ARHGAP5: variants seen among roughly 807,000 people sequenced by gnomAD.
ARHGAP5 encodes Rho GTPase activating protein 5, also known as rho GTPase-activating protein 5.
ARHGAP5 carries 23 observed loss-of-function variants against 116.6 expected under a neutral mutation model. The ratio of observed to expected loss-of-function variants is 0.20; its 90% CI spans 0.14 to 0.28. ARHGAP5 has a LOEUF of 0.28. Ranked by LOEUF, ARHGAP5 falls within the 10% of genes least tolerant of loss-of-function variation. The pLI is 1.00. For synonymous variants in ARHGAP5, 574 were observed against 602.0 expected, an observed-to-expected ratio of 0.95 and a Z score of 0.68; for missense variants, 1,405 against 1,774.8, an observed-to-expected ratio of 0.79 and a Z score of 3.74.
chr14:32,095,423 T>G (rs527481478), intron 2 of ARHGAP5, among the ~76,000 whole-genome samples: 4 of 150,298 alleles, frequency 2.7e-5, no homozygotes, highest in Admixed American at 6.6e-5. Flanking sequence ...TTTGTTTTTT[T>G]TTTTTTGAGA....
intron 4 of ARHGAP5, among the ~76,000 whole-genome samples, chr14:32,149,090 T>C (rs1304147167): frequency 6.6e-6 from 1 of 152,168 alleles, no homozygotes; most frequent in Non-Finnish European, 1.5e-5. Context: ...ACTTAGCAGT[T>C]ATCCCAGATA....
chr14:32,112,494 G>T (rs949934208), intron 2 of ARHGAP5, among the ~76,000 whole-genome samples: 1 of 152,174 alleles, frequency 6.6e-6, no homozygotes, highest in Non-Finnish European at 1.5e-5. Flanking sequence ...TTGCAGATAA[G>T]AAATTCACTT....
chr14:32,091,640 A>C lies in ARHGAP5; in HGVS notation c.971A>C (p.Glu324Ala). 1 of 1,611,706 alleles carries C rather than the reference A, an allele frequency of 6.2e-7. No individual in the cohort carries two copies. The highest frequency in any genetic ancestry group is 8.5e-7 in the Non-Finnish European group (1 of 1,178,812). Reference sequence around the variant, plus strand: ...AGAAATACATTCTCAAAACATATAGAACAACTTAAACAGGAACATATAAGA... The same window carrying C: ...AGAAATACATTCTCAAAACATATAGCACAACTTAAACAGGAACATATAAGA... ...KARNTFSKHI[E>A]QLKQEHIRKR... The change falls in exon 2 of 7, where the codon GAA becomes GCA. Residue 324 changes from glutamate (E) to alanine (A), a missense_variant. Around this residue, in one of 6 missense-constraint regions of ARHGAP5, gnomAD observed 944 missense variants for 1,095.3 expected, o/e 0.86. Coordinates refer to ENST00000345122, the MANE Select transcript of ARHGAP5 (RefSeq NM_001030055.2).
At chr14:32,150,219 A>G (rs1301930912) in intron 5 of ARHGAP5, among the ~76,000 whole-genome samples, 186 bp downstream of exon 5, 1 of 152,204 alleles carries the variant, frequency 6.6e-6, no homozygotes, top group East Asian at 1.9e-4. Context: ...GCCTCCAGGA[A>G]TATTCTGTTT....
intron 3 of ARHGAP5, among the ~76,000 whole-genome samples, chr14:32,132,094 A>G (rs138952479): frequency 6.6e-6 from 1 of 152,322 alleles, no homozygotes; most frequent in East Asian, 1.9e-4. Context: ...CTTTAGGTAT[A>G]TACCCAGTAA....
intron 3 of ARHGAP5, among the ~76,000 whole-genome samples, chr14:32,120,783 T>C (rs952529425): frequency 6.6e-6 from 1 of 152,068 alleles, no homozygotes; most frequent in African/African-American, 2.4e-5. Context: ...ATGTTTATTA[T>C]AGTGTGAAGG....
At chr14:32,082,004 C>CATTA (rs1169620827) in intron 1 of ARHGAP5, among the ~76,000 whole-genome samples, 1 of 152,114 alleles carries the variant, frequency 6.6e-6, no homozygotes, top group African/African-American at 2.4e-5. Context: ...GATCATCAGG[C>CATTA]ATTAATTAGT....
intron 1 of ARHGAP5, among the ~76,000 whole-genome samples, chr14:32,080,574 C>T (rs2041762106): frequency 6.6e-6 from 1 of 151,748 alleles, no homozygotes; most frequent in African/African-American, 2.4e-5. Flanking sequence ...ATGTGCCTAG[C>T]CCTGGAAATA....
At chr14:32,128,650 C>T (rs140295180) in intron 3 of ARHGAP5, among the ~76,000 whole-genome samples, 265 of 152,364 alleles carry the variant, frequency 1.7e-3, no homozygotes, top group African/African-American at 2.2e-3. Flanking sequence ...CCCCAGGCCC[C>T]GGCTGCTCCA....
chr14:32,105,477 G>GT (rs983630412), intron 2 of ARHGAP5, among the ~76,000 whole-genome samples: 42 of 145,942 alleles, frequency 2.9e-4, no homozygotes, highest in East Asian at 6.0e-4. Flanking sequence ...ATATGCTATT[G>GT]TTTTTTTTTT....
At chr14:32,137,294 C>G (rs538720873) in intron 3 of ARHGAP5, among the ~76,000 whole-genome samples, 1 of 149,596 alleles carries the variant, frequency 6.7e-6, no homozygotes, top group Non-Finnish European at 1.5e-5. Context: ...TGTGGATATT[C>G]GCCTGTCTCT....
intron 2 of ARHGAP5, among the ~76,000 whole-genome samples, chr14:32,097,494 A>G (rs901701226): frequency 6.6e-6 from 1 of 152,224 alleles, no homozygotes; most frequent in African/African-American, 2.4e-5. Flanking sequence ...GTGTACACAG[A>G]CAAGCAAAAT....
chr14:32,094,989 G>C (rs1878447951), intron 2 of ARHGAP5, among the ~76,000 whole-genome samples: 1 of 152,098 alleles, frequency 6.6e-6, no homozygotes, highest in Admixed American at 6.5e-5. Context: ...TATGAATGCT[G>C]TTAAAGTTGT....
At position 32,116,298 on chromosome 14, in the gene ARHGAP5, TAAATA is replaced by T. The variant is rs1457478350; in HGVS notation, c.3718-839_3718-835del. Among the ~76,000 whole-genome samples, 7 of 114,462 alleles carry T rather than the reference TAAATA, an allele frequency of 6.1e-5. No homozygotes were observed. The Admixed American group carries it at 6.7e-4, about 11-fold the overall frequency. The allele number at this position is 114,462 out of a possible 152,430, so 75.1% of individuals were successfully genotyped here. Reference sequence around the variant, plus strand: ...AGCAAGACTCCCTCTCAAAAAAAAATAAATAAATAAGGCTGGGCGCGGTGGCTCAC... The same window carrying T: ...AGCAAGACTCCCTCTCAAAAAAAAATAATAAGGCTGGGCGCGGTGGCTCAC... On this transcript the variant is annotated intron_variant, in intron 2 of 6. Transcript: ENST00000345122.
At chr14:32,127,192 T>G (rs1435217684) in intron 3 of ARHGAP5, among the ~76,000 whole-genome samples, 1 of 151,640 alleles carries the variant, frequency 6.6e-6, no homozygotes, top group Non-Finnish European at 1.5e-5. Context: ...TTTTTAGTAT[T>G]TATTGATCAT....
chr14:32,094,109 A>G lies in ARHGAP5; in HGVS notation c.3440A>G (p.Glu1147Gly). 1 of 1,614,100 alleles carries G rather than the reference A, an allele frequency of 6.2e-7. No homozygotes were observed. The highest frequency in any genetic ancestry group is 8.5e-7 in the Non-Finnish European group (1 of 1,180,002). Residue 1147 changes from glutamate to glycine, a missense_variant, in exon 2 of 7, where the codon GAA (glutamate) becomes GGA (glycine). Glu to Gly is a moderately conservative substitution (Grantham distance 98). This residue lies in a region of ARHGAP5 where 944 missense variants were observed against 1,095.3 expected (regional missense o/e 0.86). Coordinates refer to ENST00000345122, the MANE Select transcript of ARHGAP5 (RefSeq NM_001030055.2). ...GATAGAACCTCAAAAAGTCATGGGGAACGGAGGCCTTCAAAATACAAATAT... is the reference window on the plus strand; with the variant it reads ...GATAGAACCTCAAAAAGTCATGGGGGACGGAGGCCTTCAAAATACAAATAT... ...FSDRTSKSHG[E>G]RRPSKYKYKS... is the part of the protein sequence containing the mutation.
chr14:32,100,889 G>C (rs758896978), intron 2 of ARHGAP5, among the ~76,000 whole-genome samples: 1 of 152,080 alleles, frequency 6.6e-6, no homozygotes, highest in African/African-American at 2.4e-5. Context: ...TAATAAAATT[G>C]CCAGTTTTGA....
chr14:32,097,713 A>G (rs758904454), intron 2 of ARHGAP5, among the ~76,000 whole-genome samples: 4 of 152,302 alleles, frequency 2.6e-5, no homozygotes, highest in Middle Eastern at 3.4e-3. Context: ...TGTAAAGGCC[A>G]AAAAGGATTA....
chr14:32,117,955 C>G (rs1203448116), intron 3 of ARHGAP5, among the ~76,000 whole-genome samples: 3 of 152,092 alleles, frequency 2.0e-5, no homozygotes, highest in Non-Finnish European at 4.4e-5. Context: ...CACGAGTTAA[C>G]CATGAAACCT....
Sources: allele counts gnomAD v4.1 joint callset (sites outside exome capture counted in the v4.1 genomes callset), GRCh38; gene constraint gnomAD v4.1.1; regional missense constraint gnomAD v4.1.1; transcripts MANE v1.5; gene names NCBI Gene and HGNC (gene_info 2026-07-23, HGNC 2026-07-21).